Variants in NKAIN3 observed in about 807,000 individuals in gnomAD.
NKAIN3 encodes the protein sodium/potassium-transporting ATPase subunit beta-1-interacting protein 3.
Under a neutral mutation model 30.2 loss-of-function variants are expected in NKAIN3, and 25 were observed. The ratio of observed to expected loss-of-function variants is 0.83; its 90% CI spans 0.60 to 1.16. The LOEUF (loss-of-function observed/expected upper bound fraction) is 1.16, where lower values mean the gene tolerates loss of function less well. Among genes scored for constraint, NKAIN3 ranks in the 50% most tolerant of loss-of-function variants. NKAIN3 has a pLI of 0.00. For synonymous variants in NKAIN3, 91 were observed against 89.6 expected (o/e 1.02, Z -0.09); for missense variants, 225 against 254.1 (o/e 0.89, Z 0.78).
intron 1 of NKAIN3, among the ~76,000 whole-genome samples, chr8:62,281,217 A>G (rs1813173091): frequency 6.6e-6 from 1 of 151,774 alleles, no homozygotes; most frequent in Non-Finnish European, 1.5e-5. Flanking sequence ...ATTGATGGTA[A>G]TATCCCCCTC....
At chr8:62,365,913 T>G (rs746005289) in intron 1 of NKAIN3, among the ~76,000 whole-genome samples, 15 of 152,158 alleles carry the variant, frequency 9.9e-5, no homozygotes, top group Non-Finnish European at 1.8e-4. Context: ...AATACTGGCC[T>G]CCTAAAGTAA....
chr8:62,739,225 C>T (rs1481322047), intron 3 of NKAIN3, among the ~76,000 whole-genome samples: 3 of 151,804 alleles, frequency 2.0e-5, no homozygotes, highest in Non-Finnish European at 4.4e-5. Flanking sequence ...AACAAACTTG[C>T]ACATTCTGCA....
At chr8:62,699,984 G>T (rs1197877723) in intron 3 of NKAIN3, among the ~76,000 whole-genome samples, 1 of 152,082 alleles carries the variant, frequency 6.6e-6, no homozygotes, top group Non-Finnish European at 1.5e-5. Context: ...TTAAAATCTA[G>T]CTGGATGTGG....
intron 5 of NKAIN3, among the ~76,000 whole-genome samples, chr8:62,933,723 G>A (rs1239976967): frequency 6.6e-6 from 1 of 152,160 alleles, no homozygotes; most frequent in East Asian, 1.9e-4. Context: ...CTCACAGTGG[G>A]AGCAAAAGCC....
chr8:62,290,942 C>T (rs923819000), intron 1 of NKAIN3, among the ~76,000 whole-genome samples: 5 of 152,096 alleles, frequency 3.3e-5, no homozygotes, highest in Non-Finnish European at 7.4e-5. Flanking sequence ...TTCAGGGATT[C>T]CACTTCTTCC....
At chr8:62,375,453 G>A (rs1205454283) in intron 1 of NKAIN3, among the ~76,000 whole-genome samples, 1 of 152,180 alleles carries the variant, frequency 6.6e-6, no homozygotes, top group Non-Finnish European at 1.5e-5. Context: ...GGAGAGCTCA[G>A]ACCTGAGAGT....
intron 4 of NKAIN3, among the ~76,000 whole-genome samples, chr8:62,823,704 C>T (rs1370684451): frequency 6.6e-6 from 1 of 152,204 alleles, no homozygotes; most frequent in Non-Finnish European, 1.5e-5. Flanking sequence ...CCTTTATAAT[C>T]GCTGGAGATT....
At chr8:62,632,252 T>TA (rs766797819) in intron 3 of NKAIN3, among the ~76,000 whole-genome samples, 1 of 152,168 alleles carries the variant, frequency 6.6e-6, no homozygotes, top group Admixed American at 6.6e-5. Flanking sequence ...CATTTATATA[T>TA]TTTTAATATA....
intron 1 of NKAIN3, among the ~76,000 whole-genome samples, chr8:62,387,244 G>A (rs1817457503): frequency 6.6e-6 from 1 of 151,960 alleles, no homozygotes; most frequent in Non-Finnish European, 1.5e-5. Flanking sequence ...GGGAGCGTGG[G>A]CCACATGGTA....
intron 3 of NKAIN3, among the ~76,000 whole-genome samples, chr8:62,605,975 A>C (rs1189061684): frequency 6.6e-6 from 1 of 152,132 alleles, no homozygotes; most frequent in African/African-American, 2.4e-5. Flanking sequence ...GGAAGAGGGA[A>C]TTAAGAGCAA....
chr8:62,885,622 G>C (rs964619635), intron 4 of NKAIN3, among the ~76,000 whole-genome samples: 1 of 152,024 alleles, frequency 6.6e-6, no homozygotes, highest in Non-Finnish European at 1.5e-5. Context: ...ATTTCTCTTT[G>C]CTCTTCTATC....
intron 1 of NKAIN3, among the ~76,000 whole-genome samples, chr8:62,506,476 C>CTTTCTTTCTTTTTTTTTTTTTTTTTTTTT (rs71559373): frequency 4.1e-5 from 4 of 98,438 alleles, no homozygotes; most frequent in Non-Finnish European, 5.7e-5. Flanking sequence ...TTCTTTCTTT[C>CTTTCTTTCTTTTTTTTTTTTTTTTTTTTT]TTTTTTTTTT....
At chr8:62,993,975 A>G (rs1274385795) in intron 5 of NKAIN3, among the ~76,000 whole-genome samples, 4 of 152,162 alleles carry the variant, frequency 2.6e-5, no homozygotes. Context: ...ATGCCCTTAC[A>G]TTATTCCAGA....
Position 62,249,088 on chromosome 8 carries a change from C to G in NKAIN3, c.15C>G (p.Thr5=). Residue 5 remains threonine (T), a synonymous_variant, in exon 1 of 7, where the codon ACC becomes ACG. Transcript: ENST00000623646. The stretch of plus-strand genomic sequence containing the variant: ...CCGCCGGCACCATGGGCTGCTGCAC[C>G]GGACGCTGCTCGCTCATCTGCCTCT... MGCC[T]GRCSLICLCA... 1 of 1,538,806 alleles carries G rather than the reference C, an allele frequency of 6.5e-7. No homozygotes were observed. The highest frequency in any genetic ancestry group is 2.5e-5 in the East Asian group (1 of 39,808).
chr8:62,357,371 GC>G (rs1206736849), intron 1 of NKAIN3, among the ~76,000 whole-genome samples: 1 of 152,052 alleles, frequency 6.6e-6, no homozygotes, highest in Admixed American at 6.6e-5. Flanking sequence ...GAGAGATGGT[GC>G]CAGCGCACTC....
intron 3 of NKAIN3, among the ~76,000 whole-genome samples, chr8:62,598,160 G>A (rs1246546326): frequency 6.6e-6 from 1 of 152,046 alleles, no homozygotes; most frequent in Non-Finnish European, 1.5e-5. Flanking sequence ...TGCAGACACC[G>A]GAGAGTGAGT....
At chr8:62,408,612 G>C (rs1315932119) in intron 1 of NKAIN3, among the ~76,000 whole-genome samples, 2 of 152,154 alleles carry the variant, frequency 1.3e-5, no homozygotes, top group African/African-American at 2.4e-5. Flanking sequence ...TGGTTTAGAG[G>C]AAGTAGAGGT....
At chr8:62,711,834 G>C (rs1814731595) in intron 3 of NKAIN3, among the ~76,000 whole-genome samples, 1 of 152,092 alleles carries the variant, frequency 6.6e-6, no homozygotes, top group Admixed American at 6.5e-5. Context: ...ATATTACCAG[G>C]GTTGGTTTTC....
At chr8:62,944,878 A>C (rs1283372521) in intron 5 of NKAIN3, among the ~76,000 whole-genome samples, 1 of 152,218 alleles carries the variant, frequency 6.6e-6, no homozygotes, top group Non-Finnish European at 1.5e-5. Flanking sequence ...TTATTGCTAG[A>C]ATGATAGGCT....
Sources: allele counts gnomAD v4.1 joint callset (sites outside exome capture counted in the v4.1 genomes callset), GRCh38; gene constraint gnomAD v4.1.1; transcripts MANE v1.5; gene names NCBI Gene and HGNC (gene_info 2026-07-23, HGNC 2026-07-21).